Variants in NFASC observed in about 807,000 individuals in gnomAD.
The protein encoded by NFASC is neurofascin, also known as neurofascin homolog.
NFASC carries 43 observed loss-of-function variants against 147.5 expected under a neutral mutation model. That is an observed-to-expected ratio of 0.29 (90% CI 0.23 to 0.38). The LOEUF is 0.38. NFASC is among the 10% of genes least tolerant of loss of function. The pLI, the probability that NFASC is intolerant of heterozygous loss-of-function variation, is 1.00. For missense variants in NFASC, 1,320 were observed against 1,689.0 expected (o/e 0.78, Z 3.83); for synonymous variants, 622 against 665.5 (o/e 0.93, Z 1.01).
At chr1:204,901,278 T>C (rs1191414897) in intron 1 of NFASC, among the ~76,000 whole-genome samples, 1 of 152,156 alleles carries the variant, frequency 6.6e-6, no homozygotes, top group Non-Finnish European at 1.5e-5. Context: ...TATTTCATAC[T>C]GTGAGTCCAG....
chr1:204,923,477 C>T (rs1238965704), intron 2 of NFASC, among the ~76,000 whole-genome samples: 1 of 152,188 alleles, frequency 6.6e-6, no homozygotes, highest in Non-Finnish European at 1.5e-5. Flanking sequence ...AGAGAAACCA[C>T]TGAGCTTCCC....
In NFASC at chr1:204,954,454, C is replaced by A; in HGVS notation, c.412+70C>A. 6.8e-7 allele frequency: 1 copy of A among 1,474,936 alleles called. No individual in the cohort carries two copies. Among genetic ancestry groups the A allele is most frequent in the Non-Finnish European group, 9.3e-7 (1 of 1,078,428 alleles). The allele number at this position is 1,474,936 out of a possible 1,614,324, so 91.4% of individuals were successfully genotyped here. ...ATGGAGAGTGGGGGGTGTGGAAGGCCATTCCAGAAGGGCTGCCCCTGCCCT... is the reference window on the plus strand; with the variant it reads ...ATGGAGAGTGGGGGGTGTGGAAGGCAATTCCAGAAGGGCTGCCCCTGCCCT... On this transcript the variant is annotated intron_variant, in intron 6 of 29. Coordinates refer to ENST00000339876, the MANE Select transcript of NFASC (RefSeq NM_001005388.3). This position sits in a 1 kb window ranked among gnomAD's most constrained non-coding sequence, Gnocchi z 5.7.
At chr1:204,949,715 A>T (rs925823575) in intron 3 of NFASC, among the ~76,000 whole-genome samples, 1 of 152,172 alleles carries the variant, frequency 6.6e-6, no homozygotes, top group Admixed American at 6.5e-5. Flanking sequence ...CCCCAGCCCA[A>T]CTGAATCAGA....
At position 204,922,780 on chromosome 1, in the gene NFASC, A is replaced by G. The variant is rs142194181; in HGVS notation, c.-91+2040A>G. Among the ~76,000 whole-genome samples the G allele has an allele frequency of 3.1e-3, 475 of 152,284 alleles. 2 individuals carry two copies. Among genetic ancestry groups the G allele is most frequent in the African/African-American group, 0.011 (456 of 41,548 alleles). ...CACAGAGGAACCTTAAAAAAGACAT[A>G]AGACTGCAGAGACTGCTTGCCAGCA... On this transcript the variant is annotated intron_variant, in intron 2 of 29. Transcript: ENST00000339876.
intron 1 of NFASC, among the ~76,000 whole-genome samples, chr1:204,916,770 G>A (rs1011048290): frequency 4.0e-5 from 6 of 151,446 alleles, no homozygotes; most frequent in Non-Finnish European, 8.8e-5. Context: ...ACAAGGTTTT[G>A]CCATGTTGCC....
intron 4 of NFASC, 104 bp downstream of exon 4, chr1:204,950,678 G>A: frequency 9.5e-7 from 1 of 1,050,254 alleles, no homozygotes; most frequent in Non-Finnish European, 1.5e-6. Context: ...TTCTGCTGGG[G>A]CCTCTTCATA....
At chr1:204,894,227 T>C (rs1389857768) in intron 1 of NFASC, among the ~76,000 whole-genome samples, 1 of 152,226 alleles carries the variant, frequency 6.6e-6, no homozygotes, top group Admixed American at 6.5e-5. Flanking sequence ...TCATGCCTCA[T>C]TGGCCAACTT....
At position 204,835,213 on chromosome 1, in the gene NFASC, CTTTTTTT is replaced by C. The variant is rs1001302661; in HGVS notation, c.-200+6450_-200+6456del. Reference sequence around the variant, plus strand: ...GCAAGAGGAAGTACTTGAGGTGGGTCTTTTTTTTTTTTTTTTTTTTTTTTTGAGATGG... The same window carrying C: ...GCAAGAGGAAGTACTTGAGGTGGGTCTTTTTTTTTTTTTTTTTTGAGATGG... On this transcript the variant is annotated intron_variant, in intron 1 of 29. Transcript: ENST00000339876. 1.1e-4 allele frequency among the ~76,000 whole-genome samples: 9 copies of C among 80,588 alleles called. No individual in the cohort carries two copies. In the South Asian group the frequency reaches 1.9e-3, roughly 17 times the overall value. The allele number at this position is 80,588 out of a possible 152,430, so 52.9% of individuals were successfully genotyped here.
intron 8 of NFASC, chr1:204,962,110 C>A: frequency 6.2e-7 from 1 of 1,613,020 alleles, no homozygotes; most frequent in Non-Finnish European, 8.5e-7. Context: ...TGTTACAGAC[C>A]ACCCTTATAA....
At position 205,016,604 on chromosome 1, in the gene NFASC, C is replaced by T; in HGVS notation, c.*65C>T. On this transcript the variant is annotated 3_prime_UTR_variant, in exon 30 of 30. Coordinates refer to ENST00000339876, the MANE Select transcript of NFASC (RefSeq NM_001005388.3). This position sits in a 1 kb window ranked among gnomAD's most constrained non-coding sequence, Gnocchi z 5.1. ...AGGAGGGGAGAAGGGGAGACAAAAC[C>T]ACTGCAGACCTACCACGAAGCCACC... The T allele has an allele frequency of 4.4e-6, 5 of 1,143,560 alleles. No homozygotes were observed. The South Asian group carries it at 6.2e-5, about 14-fold the overall frequency. 70.8% of individuals were successfully genotyped at this position (1,143,560 alleles called of 1,614,324 possible).
chr1:204,950,614 G>C lies in NFASC; in HGVS notation c.109+40G>C, dbSNP rs780591016. 11 of 1,602,040 alleles carry C rather than the reference G, an allele frequency of 6.9e-6. No individual in the cohort carries two copies. In the Admixed American group the frequency reaches 1.9e-4, roughly 27 times the overall value. On this transcript the variant is annotated intron_variant, in intron 4 of 29. Coordinates refer to ENST00000339876, the MANE Select transcript of NFASC (RefSeq NM_001005388.3). Reference sequence around the variant, plus strand: ...TGCCTCTCTGTGCCTCTGGGAGTTGGGAGGGAGGAATGAGGCATGAGGTGA... The same window carrying C: ...TGCCTCTCTGTGCCTCTGGGAGTTGCGAGGGAGGAATGAGGCATGAGGTGA...
At chr1:204,841,729 T>C (rs1238445980) in intron 1 of NFASC, among the ~76,000 whole-genome samples, 2 of 152,170 alleles carry the variant, frequency 1.3e-5, no homozygotes, top group African/African-American at 4.8e-5. Context: ...CCCATGAGCC[T>C]TCCCTAACCA....
At chr1:204,923,877 G>A (rs370946905) in intron 2 of NFASC, among the ~76,000 whole-genome samples, 167 of 152,286 alleles carry the variant, frequency 1.1e-3, no homozygotes, top group African/African-American at 3.9e-3. Flanking sequence ...ATGCAATCAT[G>A]TCTAGACCCC....
At chr1:204,925,103 G>C (rs2091253268) in intron 2 of NFASC, among the ~76,000 whole-genome samples, 1 of 152,156 alleles carries the variant, frequency 6.6e-6, no homozygotes, top group South Asian at 2.1e-4. Flanking sequence ...TTGAACTCCT[G>C]AACCTCATGA....
At chr1:204,871,475 G>C (rs2077687929) in intron 1 of NFASC, among the ~76,000 whole-genome samples, 1 of 152,192 alleles carries the variant, frequency 6.6e-6, no homozygotes, top group Non-Finnish European at 1.5e-5. Flanking sequence ...ACTCAGTGTT[G>C]TGCGTCTAAT....
Position 204,877,938 on chromosome 1 carries a change from T to C in NFASC, c.-199-42694T>C, listed in dbSNP as rs541328564. 7.5e-4 allele frequency among the ~76,000 whole-genome samples: 114 copies of C among 152,278 alleles called. 1 individual carries two copies. The highest frequency in any genetic ancestry group is 5.6e-3 in the South Asian group (27 of 4,814). On this transcript the variant is annotated intron_variant, in intron 1 of 29. Coordinates refer to ENST00000339876, the MANE Select transcript of NFASC (RefSeq NM_001005388.3). Reference sequence around the variant, plus strand: ...CTGACTTCGTGCCTGTGGCAAATGATGTTTCAAACACTGCAGCCCTTGATG... The same window carrying C: ...CTGACTTCGTGCCTGTGGCAAATGACGTTTCAAACACTGCAGCCCTTGATG...
At chr1:204,914,359 C>T (rs2088599658) in intron 1 of NFASC, among the ~76,000 whole-genome samples, 1 of 152,162 alleles carries the variant, frequency 6.6e-6, no homozygotes, top group Admixed American at 6.5e-5. Context: ...GGTAAGTTCT[C>T]ACAAGATCTG....
At position 204,974,567 on chromosome 1, in the gene NFASC, GC is replaced by G. The variant is rs749943549; in HGVS notation, c.1392-85del. The G allele has an allele frequency of 3.5e-6, 5 of 1,429,174 alleles. No homozygotes were observed. The East Asian group carries it at 1.1e-4, about 32-fold the overall frequency. The allele number at this position is 1,429,174 out of a possible 1,614,324, so 88.5% of individuals were successfully genotyped here. A position where few individuals can be genotyped will look rare whatever the true frequency, so the allele number is the denominator to read the frequency against. On this transcript the variant is annotated intron_variant, in intron 13 of 29. Transcript: ENST00000339876. Reference sequence around the variant, plus strand: ...CTCCTAGCATGGGGCTCCTTCCACAGCCCCCATGGTCTCTCTTGATTGGCTG... The same window carrying G: ...CTCCTAGCATGGGGCTCCTTCCACAGCCCCATGGTCTCTCTTGATTGGCTG...
At chr1:204,901,448 G>T (rs2149195028) in intron 1 of NFASC, among the ~76,000 whole-genome samples, 3 of 152,266 alleles carry the variant, frequency 2.0e-5, no homozygotes, top group Admixed American at 2.0e-4. Flanking sequence ...CAAGGAGGAT[G>T]GAGTGCTCGC....
Sources: allele counts gnomAD v4.1 joint callset (sites outside exome capture counted in the v4.1 genomes callset), GRCh38; gene constraint gnomAD v4.1.1; non-coding constraint Gnocchi (gnomAD v3.1); transcripts MANE v1.5; gene names NCBI Gene and HGNC (gene_info 2026-07-23, HGNC 2026-07-21).